The following ENDOU variants were observed in gnomAD, a reference collection of about 807,000 sequenced individuals.
ENDOU encodes uridylate-specific endoribonuclease.
In ENDOU, 49 loss-of-function variants were observed where a neutral mutation model predicts 54.2. That is an observed-to-expected ratio of 0.90 (90% CI 0.72 to 1.15). The LOEUF (loss-of-function observed/expected upper bound fraction) is 1.15. Among genes scored for constraint, ENDOU ranks in the 50% most tolerant of loss-of-function variants. ENDOU has a pLI of 0.00. For missense variants in ENDOU, 458 were observed against 511.4 expected (o/e 0.90, Z 1.01); for synonymous variants, 172 against 190.5 (o/e 0.90, Z 0.80).
At chr12:47,711,521 T>A in intron 9 of ENDOU, 112 bp downstream of exon 9, 1 of 1,291,606 alleles carries the variant, frequency 7.7e-7, no homozygotes, top group East Asian at 2.5e-5. Flanking sequence ...CACAGATTTG[T>A]CCAAGCCCTC....
In ENDOU at chr12:47,718,106, C is replaced by G. The variant is rs550079202; in HGVS notation, c.244+23G>C. The G allele has an allele frequency of 1.1e-5, 17 of 1,552,096 alleles. No individual in the cohort carries two copies. In the East Asian group the frequency reaches 3.6e-4, roughly 33 times the overall value. On this transcript the variant is annotated intron_variant, in intron 3 of 9. Transcript: ENST00000422538. ...TCCCTCCTGCTTTATCTTGAGGGCCCCCCTTTGGGGAGGCAGGCTCACTGC... is the reference window on the plus strand; with the variant it reads ...TCCCTCCTGCTTTATCTTGAGGGCCGCCCTTTGGGGAGGCAGGCTCACTGC...
rs369732418 is a variant in ENDOU, at chr12:47,710,793, G to A, written c.*9C>T. ...GAGCCCTCATGCCCCTTTCTGGCTCGAAGTTCTATTAGGTGGAAGACACTA... is the reference window on the plus strand; with the variant it reads ...GAGCCCTCATGCCCCTTTCTGGCTCAAAGTTCTATTAGGTGGAAGACACTA... On this transcript the variant is annotated 3_prime_UTR_variant, in exon 10 of 10. Transcript: ENST00000422538. 2.3e-5 allele frequency: 37 copies of A among 1,599,404 alleles called. No homozygotes were observed. Among genetic ancestry groups the A allele is most frequent in the South Asian group, 3.3e-5 (3 of 90,764 alleles).
Position 47,718,105 on chromosome 12 carries a change from C to A in ENDOU, c.244+24G>T, listed in dbSNP as rs201198778. 4.3e-4 allele frequency: 669 copies of A among 1,553,404 alleles called. 4 individuals are homozygous for A. The Middle Eastern group carries it at 0.011, about 26-fold the overall frequency. On this transcript the variant is annotated intron_variant, in intron 3 of 9. Coordinates refer to ENST00000422538, the MANE Select transcript of ENDOU (RefSeq NM_001172439.2). ...GTCCCTCCTGCTTTATCTTGAGGGCCCCCCTTTGGGGAGGCAGGCTCACTG... is the reference window on the plus strand; with the variant it reads ...GTCCCTCCTGCTTTATCTTGAGGGCACCCCTTTGGGGAGGCAGGCTCACTG...
intron 9 of ENDOU, among the ~76,000 whole-genome samples, chr12:47,711,340 G>A (rs1939992147): frequency 6.6e-6 from 1 of 152,194 alleles, no homozygotes; most frequent in African/African-American, 2.4e-5. Flanking sequence ...GACAAATAAA[G>A]AGGCTGAGAG....
intron 6 of ENDOU, 81 bp from the exon 7 acceptor site, chr12:47,713,469 C>G: frequency 1.2e-6 from 1 of 862,374 alleles, no homozygotes; most frequent in Non-Finnish European, 2.0e-6. Context: ...TGAAGAGCTA[C>G]TTGCTCCCAC....
At chr12:47,717,796 C>A in intron 3 of ENDOU, 141 bp from the exon 4 acceptor site, 1 of 820,392 alleles carries the variant, frequency 1.2e-6, no homozygotes, top group Admixed American at 2.5e-5. Flanking sequence ...AAACCTAATT[C>A]GTGCACACCC....
intron 1 of ENDOU, among the ~76,000 whole-genome samples, chr12:47,723,084 A>G (rs1228038575): frequency 1.1e-4 from 16 of 152,336 alleles, no homozygotes; most frequent in Middle Eastern, 3.4e-3. Flanking sequence ...GTCCAGGGAA[A>G]GAATTCACTT....
chr12:47,715,881 T>C (rs67201012), intron 6 of ENDOU, among the ~76,000 whole-genome samples: 1 of 152,050 alleles, frequency 6.6e-6, no homozygotes, highest in East Asian at 1.9e-4. Flanking sequence ...CTGGACTTTA[T>C]TGCGGGAGGA....
In ENDOU at chr12:47,716,492, T is replaced by G. The variant is rs1487907635; in HGVS notation, c.559A>C (p.Thr187Pro). The G allele has an allele frequency of 3.7e-6, 6 of 1,613,252 alleles. No homozygotes were observed. Among genetic ancestry groups the G allele is most frequent in the Non-Finnish European group, 4.2e-6 (5 of 1,179,964 alleles). Residue 187 changes from threonine (T) to proline (P), a missense_variant, in exon 6 of 10, where the codon ACT (threonine) becomes CCT (proline). Coordinates refer to ENST00000422538, the MANE Select transcript of ENDOU (RefSeq NM_001172439.2). ...QVDRCPKPLF[T>P]YVNEKLFSKP... is the part of the protein sequence containing the mutation. Reference sequence around the variant, plus strand: ...GAGAACAGCTTCTCATTGACATAAGTGAAGAGTCTGGGGGAGGCAGAGGGG... The same window carrying G: ...GAGAACAGCTTCTCATTGACATAAGGGAAGAGTCTGGGGGAGGCAGAGGGG...
chr12:47,717,681 C>G, intron 3 of ENDOU, 26 bp from the exon 4 acceptor site: 1 of 1,611,122 alleles, frequency 6.2e-7, no homozygotes, highest in Non-Finnish European at 8.5e-7. Context: ...TGGTGTGTCC[C>G]GGGCTGACCT....
At position 47,725,406 on chromosome 12, in the gene ENDOU, G is replaced by A; in HGVS notation, c.8C>T (p.Ala3Val). Residue 3 changes from alanine to valine, a missense_variant, in exon 1 of 10, where the codon GCC (alanine) becomes GTC (valine). Ala to Val is a moderately conservative substitution (Grantham distance 64, BLOSUM62 0). Coordinates refer to ENST00000422538, the MANE Select transcript of ENDOU (RefSeq NM_001172439.2). ...CACGGCCAATACCAGGGAGATGCAG[G>A]CCCTCATGGTGCCCAGTTGGAGGCC... Reference protein sequence around the residue: MRACISLVLAVLC... With the variant: MRVCISLVLAVLC... 1.9e-6 allele frequency: 3 copies of A among 1,614,134 alleles called. No individual in the cohort carries two copies. The highest frequency in any genetic ancestry group is 2.7e-5 in the African/African-American group (2 of 75,052).
intron 8 of ENDOU, 134 bp from the exon 9 acceptor site, chr12:47,711,909 G>T: frequency 1.0e-6 from 1 of 990,196 alleles, no homozygotes; most frequent in Non-Finnish European, 1.5e-6. Flanking sequence ...CAGGGAGACT[G>T]GATTCTTTAA....
intron 1 of ENDOU, among the ~76,000 whole-genome samples, chr12:47,723,590 T>G (rs1247696988): frequency 6.6e-6 from 1 of 152,108 alleles, no homozygotes; most frequent in Non-Finnish European, 1.5e-5. Context: ...CAAGAAATGC[T>G]CAATTTCTCT....
At chr12:47,711,845 G>A in intron 8 of ENDOU, 70 bp from the exon 9 acceptor site, 1 of 1,544,146 alleles carries the variant, frequency 6.5e-7, no homozygotes, top group South Asian at 1.1e-5. Flanking sequence ...GTGCCCAATG[G>A]CAACAGTCAG....
At chr12:47,716,738 A>C in intron 5 of ENDOU, 152 bp downstream of exon 5, 1 of 772,274 alleles carries the variant, frequency 1.3e-6, no homozygotes, top group Non-Finnish European at 2.1e-6. Context: ...GGATATCCAC[A>C]GTCCCTCAAG....
intron 6 of ENDOU, among the ~76,000 whole-genome samples, chr12:47,715,247 A>G (rs1449560235): frequency 4.6e-5 from 7 of 152,222 alleles, no homozygotes; most frequent in Admixed American, 4.6e-4. Context: ...ATGAATTATC[A>G]TAGAACTTTA....
At chr12:47,715,480 G>A (rs566777397) in intron 6 of ENDOU, among the ~76,000 whole-genome samples, 44 of 152,326 alleles carry the variant, frequency 2.9e-4, no homozygotes, top group South Asian at 2.1e-3. Flanking sequence ...CGAAGAGAAC[G>A]CCAGGGGGCA....
chr12:47,710,878 G>A lies in ENDOU; in HGVS notation c.1157C>T (p.Thr386Ile). The A allele has an allele frequency of 6.2e-7, 1 of 1,614,094 alleles. No homozygotes were observed. The highest frequency in any genetic ancestry group is 8.5e-7 in the Non-Finnish European group (1 of 1,179,950). Reference protein sequence around the residue: ...SLGGYPLAVRTYTWDKSTYGN... With the variant: ...SLGGYPLAVRIYTWDKSTYGN... ...ATAGGTGGACTTGTCCCAGGTATAT[G>A]TCCGGACAGCTAAGGGATATCCTCC... The change falls in exon 10 of 10, where the codon ACA becomes ATA. Residue 386 changes from threonine (T) to isoleucine (I), a missense_variant. Coordinates refer to ENST00000422538, the MANE Select transcript of ENDOU (RefSeq NM_001172439.2).
intron 2 of ENDOU, among the ~76,000 whole-genome samples, chr12:47,718,955 T>G (rs779445092): frequency 4.6e-5 from 7 of 152,174 alleles, no homozygotes; most frequent in Non-Finnish European, 8.8e-5. Flanking sequence ...GCTGGAAAGT[T>G]ATTACCATCA....
Sources: gnomAD v4.1 joint callset for allele counts (sites outside exome capture counted in the v4.1 genomes callset) on GRCh38, gnomAD v4.1.1 for gene constraint, MANE v1.5 for transcripts, NCBI Gene and HGNC (gene_info 2026-07-23, HGNC 2026-07-21) for gene names.